Variants in KLHL12 observed in about 807,000 individuals in gnomAD.
KLHL12 encodes the protein kelch-like protein 12.
Under a neutral mutation model 60.8 loss-of-function variants are expected in KLHL12, and 17 were observed. That is an observed-to-expected ratio of 0.28 (90% CI 0.19 to 0.42). KLHL12 has a LOEUF of 0.42. Ranked by LOEUF, KLHL12 falls within the 10% of genes least tolerant of loss-of-function variation. The pLI is 1.00. For synonymous variants in KLHL12, 220 were observed against 250.9 expected, an observed-to-expected ratio of 0.88 and a Z score of 1.16; for missense variants, 468 against 722.3, an observed-to-expected ratio of 0.65 and a Z score of 4.04.
In KLHL12 at chr1:202,902,719, G is replaced by A. The variant is rs190159194; in HGVS notation, c.833-5759C>T. ...AAAAAAATTTTTTGAGCCAGGCATGGTGGCTCACACCTGTAACCCTAGCAC... is the reference window on the plus strand; with the variant it reads ...AAAAAAATTTTTTGAGCCAGGCATGATGGCTCACACCTGTAACCCTAGCAC... On this transcript the variant is annotated intron_variant, in intron 6 of 11. Coordinates refer to ENST00000367261, the MANE Select transcript of KLHL12 (RefSeq NM_021633.4). 2.0e-3 allele frequency among the ~76,000 whole-genome samples: 308 copies of A among 152,182 alleles called. 1 individual carries two copies. Among genetic ancestry groups the A allele is most frequent in the Non-Finnish European group, 3.0e-3 (206 of 68,002 alleles).
At chr1:202,894,146 G>T in intron 10 of KLHL12, 38 bp downstream of exon 10, 1 of 1,181,676 alleles carries the variant, frequency 8.5e-7, no homozygotes, top group Non-Finnish European at 1.2e-6. Flanking sequence ...AGGTCTGACA[G>T]CATCGCCTAT....
intron 3 of KLHL12, 139 bp downstream of exon 3, chr1:202,919,616 A>C (rs898869384): frequency 1.4e-6 from 1 of 716,796 alleles, no homozygotes; most frequent in African/African-American, 1.8e-5. Flanking sequence ...TTATTGCTCA[A>C]TGAGACAAAA....
At chr1:202,892,704 C>T in intron 11 of KLHL12, 45 bp from the exon 12 acceptor site, 12 of 1,600,662 alleles carry the variant, frequency 7.5e-6, no homozygotes, top group Non-Finnish European at 1.0e-5. Context: ...CAGCTGCGTG[C>T]AGTGGCACGT....
intron 6 of KLHL12, among the ~76,000 whole-genome samples, chr1:202,905,484 C>T (rs930800104): frequency 7.9e-5 from 12 of 152,138 alleles, no homozygotes; most frequent in African/African-American, 2.4e-4. Context: ...GAGTGAGTGT[C>T]GGAAATTGGA....
chr1:202,927,019 G>A, intron 1 of KLHL12, 70 bp downstream of exon 1: 2 of 964,538 alleles, frequency 2.1e-6, no homozygotes, highest in Non-Finnish European at 2.5e-6. Flanking sequence ...AGGATGGGGG[G>A]TAGGGCCATA....
intron 2 of KLHL12, among the ~76,000 whole-genome samples, chr1:202,921,985 C>T (rs938872355): frequency 1.6e-4 from 24 of 152,076 alleles, no homozygotes; most frequent in Non-Finnish European, 3.1e-4. Context: ...TAATACAGTA[C>T]TAATATTCAT....
At chr1:202,919,541 C>T (rs894428594) in intron 3 of KLHL12, among the ~76,000 whole-genome samples, 6 of 151,840 alleles carry the variant, frequency 4.0e-5, no homozygotes, top group Non-Finnish European at 7.4e-5. Flanking sequence ...CAAATGCTCT[C>T]TTTTATAGAG....
At chr1:202,914,606 G>A (rs1460153616) in intron 4 of KLHL12, among the ~76,000 whole-genome samples, 1 of 152,088 alleles carries the variant, frequency 6.6e-6, no homozygotes, top group East Asian at 1.9e-4. Flanking sequence ...GGTGGCTCAC[G>A]CCTGTAATCT....
intron 1 of KLHL12, 108 bp from the exon 2 acceptor site, chr1:202,925,315 A>G (rs563390506): frequency 7.6e-7 from 1 of 1,323,700 alleles, no homozygotes; most frequent in East Asian, 2.7e-5. Context: ...TCAGACCCAA[A>G]CATACACAAG....
intron 2 of KLHL12, among the ~76,000 whole-genome samples, chr1:202,923,495 G>C (rs1342818035): frequency 6.6e-6 from 1 of 152,172 alleles, no homozygotes; most frequent in African/African-American, 2.4e-5. Flanking sequence ...ACTGAGCATT[G>C]GCTCATAGTA....
chr1:202,928,408 A>G, upstream of KLHL12: 2 of 902,428 alleles, frequency 2.2e-6, no homozygotes, highest in African/African-American at 1.7e-5. Context: ...CCTACCGCTC[A>G]CTAGGCAGGG....
intron 5 of KLHL12, 123 bp downstream of exon 5, chr1:202,910,924 TCTCACTG>T: frequency 1.0e-6 from 1 of 999,088 alleles, no homozygotes; most frequent in Non-Finnish European, 1.5e-6. Context: ...CCAGCACCAC[TCTCACTG>T]GCATTCCTAG....
intron 9 of KLHL12, 56 bp from the exon 10 acceptor site, chr1:202,894,338 T>C: frequency 8.2e-7 from 1 of 1,224,312 alleles, no homozygotes. Flanking sequence ...CCATTCCTGG[T>C]CGGTTTTTTT....
At chr1:202,918,133 A>G in intron 4 of KLHL12, 38 bp downstream of exon 4, 1 of 1,480,196 alleles carries the variant, frequency 6.8e-7, no homozygotes, top group Non-Finnish European at 9.4e-7. Flanking sequence ...GTAATTGCCC[A>G]ATCTTGAAGA....
rs1659725494 is a variant in KLHL12 at position 202,893,064 on chromosome 1, G to A, written c.1580+175C>T. ...ACTCTACTCAGACTCCAGCCTGGGT[G>A]ACAGAGCAATACTCTGTCTCTAAAA... On this transcript the variant is annotated intron_variant, in intron 11 of 11. Transcript: ENST00000367261. This position sits in a 1 kb window ranked among gnomAD's most constrained non-coding sequence, Gnocchi z 4.1. 6.6e-6 allele frequency among the ~76,000 whole-genome samples: 1 copy of A among 151,708 alleles called. No homozygotes were observed. Among genetic ancestry groups the A allele is most frequent in the Admixed American group, 6.6e-5 (1 of 15,188 alleles).
At chr1:202,928,574 G>A (rs904368233), upstream of KLHL12, 134 of 1,282,778 alleles carry the variant, frequency 1.0e-4, no homozygotes, top group Non-Finnish European at 1.3e-4. Flanking sequence ...TTTTCGGGCC[G>A]AACAACGCTG....
chr1:202,912,045 C>T (rs1185669272), intron 4 of KLHL12: 6 of 786,396 alleles, frequency 7.6e-6, no homozygotes, highest in African/African-American at 6.7e-5. Flanking sequence ...CAAGGCCACA[C>T]AAGGTGGATG....
At chr1:202,928,041 A>G (rs1653701297), upstream of KLHL12, among the ~76,000 whole-genome samples, 2 of 148,460 alleles carry the variant, frequency 1.3e-5, no homozygotes, top group Non-Finnish European at 3.0e-5. Flanking sequence ...GCACTTTGGG[A>G]GGCCGAGACG....
chr1:202,897,711 A>G (rs147035573), intron 6 of KLHL12, among the ~76,000 whole-genome samples: 220 of 152,228 alleles, frequency 1.4e-3, no homozygotes, highest in African/African-American at 5.2e-3. Context: ...GAAACTTAGG[A>G]TCCAAGTGAT....
Sources: gnomAD v4.1 joint callset for allele counts (sites outside exome capture counted in the v4.1 genomes callset) on GRCh38, gnomAD v4.1.1 for gene constraint, Gnocchi (gnomAD v3.1) non-coding constraint, MANE v1.5 for transcripts, NCBI Gene and HGNC (gene_info 2026-07-23, HGNC 2026-07-21) for gene names.